PITPNM3: variants seen among roughly 807,000 people sequenced by gnomAD.
PITPNM3 encodes membrane-associated phosphatidylinositol transfer protein 3.
In PITPNM3, 26 loss-of-function variants were observed where a neutral mutation model predicts 102.0. That is an observed-to-expected ratio of 0.25 (90% confidence interval 0.19 to 0.35). The LOEUF is 0.35. Ranked by LOEUF, PITPNM3 falls within the 10% of genes least tolerant of loss-of-function variation. The probability of loss-of-function intolerance (pLI) is 1.00; values close to 1 mark genes in which losing one functional copy is unlikely to be tolerated. For synonymous variants in PITPNM3, 578 were observed against 558.6 expected (o/e 1.03, Z -0.49); for missense variants, 1,083 against 1,346.1 (o/e 0.80, Z 3.06).
rs1332976972 is a variant in PITPNM3, at chr17:6,459,204, GC to G, written c.2491-1483del. On this transcript the variant is annotated intron_variant, in intron 18 of 19. Coordinates refer to ENST00000262483, the MANE Select transcript of PITPNM3 (RefSeq NM_031220.4). This position sits in a 1 kb window ranked among gnomAD's most constrained non-coding sequence, Gnocchi z 5.0. ...CTCTGCTCCTCTCCCTGCTACTTTT[GC>G]CCCCTTGTCCTTCCGAACTGTCTTT... is the stretch of plus-strand genomic sequence containing the variant. 6.6e-6 allele frequency among the ~76,000 whole-genome samples: 1 copy of G among 152,014 alleles called. No homozygotes were observed. Among genetic ancestry groups the G allele is most frequent in the Admixed American group, 6.5e-5 (1 of 15,270 alleles).
At chr17:6,465,323 G>C (rs2150719418) in intron 14 of PITPNM3, among the ~76,000 whole-genome samples, 1 of 152,300 alleles carries the variant, frequency 6.6e-6, no homozygotes, top group East Asian at 1.9e-4. Flanking sequence ...TGGGATTATA[G>C]GCATGAGCCA....
In PITPNM3 at chr17:6,546,176, T is replaced by C. The variant is rs72830335; in HGVS notation, c.23-8094A>G. Among the ~76,000 whole-genome samples the C allele has an allele frequency of 8.7e-3, 1,325 of 151,898 alleles. 3 individuals are homozygous for C. Among genetic ancestry groups the C allele is most frequent in the Non-Finnish European group, 0.014 (952 of 67,920 alleles). On this transcript the variant is annotated intron_variant, in intron 1 of 19. Transcript: ENST00000262483. The stretch of plus-strand genomic sequence containing the variant: ...GAAGGAAACCAGTACTGGTTGGGGG[T>C]TGGTTGCTATAGAAACATGTCCTAA...
intron 6 of PITPNM3, among the ~76,000 whole-genome samples, chr17:6,483,283 T>A (rs1905854894): frequency 6.6e-6 from 1 of 151,966 alleles, no homozygotes; most frequent in Non-Finnish European, 1.5e-5. Flanking sequence ...AGATCAGGCT[T>A]GTTGAACACT....
intron 3 of PITPNM3, among the ~76,000 whole-genome samples, chr17:6,507,533 G>A (rs762882280): frequency 4.3e-4 from 66 of 152,024 alleles, no homozygotes; most frequent in Non-Finnish European, 3.2e-4. Flanking sequence ...GCAGTGAGCC[G>A]AGATAGTGCC....
At chr17:6,497,060 G>A (rs1433994952) in intron 4 of PITPNM3, among the ~76,000 whole-genome samples, 3 of 152,158 alleles carry the variant, frequency 2.0e-5, no homozygotes, top group Non-Finnish European at 2.9e-5. Context: ...CTCCCAAGGC[G>A]GACGTCTGCC....
In PITPNM3 at chr17:6,459,766, A is replaced by T. The variant is rs1904360482; in HGVS notation, c.2490+1607T>A. Among the ~76,000 whole-genome samples the T allele has an allele frequency of 6.6e-6, 1 of 152,018 alleles. No homozygotes were observed. The highest frequency in any genetic ancestry group is 2.4e-5 in the African/African-American group (1 of 41,382). ...TGGAGACCTTGGTCAGGTGTGTAGCACCTGGATCCCTCCTGGTCACCCAGC... is the reference window on the plus strand; with the variant it reads ...TGGAGACCTTGGTCAGGTGTGTAGCTCCTGGATCCCTCCTGGTCACCCAGC... On this transcript the variant is annotated intron_variant, in intron 18 of 19. Transcript: ENST00000262483. This position sits in a 1 kb window ranked among gnomAD's most constrained non-coding sequence, Gnocchi z 5.0.
chr17:6,516,999 C>T (rs145600669), intron 3 of PITPNM3, among the ~76,000 whole-genome samples: 96 of 152,208 alleles, frequency 6.3e-4, no homozygotes, highest in African/African-American at 2.2e-3. Context: ...TTCAAGAGGC[C>T]ATGGAGGAAT....
chr17:6,503,325 C>T (rs1384721975), intron 4 of PITPNM3, among the ~76,000 whole-genome samples: 2 of 152,160 alleles, frequency 1.3e-5, no homozygotes, highest in Non-Finnish European at 2.9e-5. Context: ...AACTCAGGAA[C>T]CCGAGGAGGC....
At chr17:6,498,777 C>T (rs369561396) in intron 4 of PITPNM3, among the ~76,000 whole-genome samples, 5 of 152,192 alleles carry the variant, frequency 3.3e-5, no homozygotes, top group East Asian at 1.9e-4. Context: ...AGGATGGTGC[C>T]ATTCACACTG....
At chr17:6,523,806 C>A (rs1035822007) in intron 3 of PITPNM3, among the ~76,000 whole-genome samples, 1 of 152,156 alleles carries the variant, frequency 6.6e-6, no homozygotes, top group Non-Finnish European at 1.5e-5. Context: ...AGAGTCAGAG[C>A]CCCCCCTTCT....
In PITPNM3 at chr17:6,537,578, G is replaced by A. The variant is rs1243862833; in HGVS notation, c.118+409C>T. On this transcript the variant is annotated intron_variant, in intron 2 of 19. Transcript: ENST00000262483. This position sits in a 1 kb window ranked among gnomAD's most constrained non-coding sequence, Gnocchi z 4.4. ...TGGGATTACAGGTGTGAGCCACCAC[G>A]CCTGGCCTGACTGTTCTCTCTTACA... Among the ~76,000 whole-genome samples the A allele has an allele frequency of 3.3e-5, 5 of 152,268 alleles. No individual in the cohort carries two copies. Among genetic ancestry groups the A allele is most frequent in the African/African-American group, 1.2e-4 (5 of 41,552 alleles).
At position 6,528,395 on chromosome 17, in the gene PITPNM3, C is replaced by G. The variant is rs370759576; in HGVS notation, c.119-2932G>C. On this transcript the variant is annotated intron_variant, in intron 2 of 19. Coordinates refer to ENST00000262483, the MANE Select transcript of PITPNM3 (RefSeq NM_031220.4). ...TCCTCAGGATCTCTCCAGCCCCCTGCTCCCTAAGGGTGTTCTCCCTCCCCT... is the reference window on the plus strand; with the variant it reads ...TCCTCAGGATCTCTCCAGCCCCCTGGTCCCTAAGGGTGTTCTCCCTCCCCT... Among the ~76,000 whole-genome samples the G allele has an allele frequency of 1.3e-3, 194 of 152,296 alleles. 4 individuals are homozygous for G. The South Asian group carries it at 0.039, about 31-fold the overall frequency.
chr17:6,499,704 T>TTTTATTTA lies in PITPNM3; in HGVS notation c.274+3815_274+3822dup, dbSNP rs34042872. Among the ~76,000 whole-genome samples the TTTTATTTA allele has an allele frequency of 1.0e-4, 15 of 149,366 alleles. No individual in the cohort carries two copies. In the East Asian group the frequency reaches 2.2e-3, roughly 22 times the overall value. Reference sequence around the variant, plus strand: ...AAGTAGATGATATGGCCATCTTTTCTTTTATTTATTTATTTATTTATTTAT... The same window carrying TTTTATTTA: ...AAGTAGATGATATGGCCATCTTTTCTTTTATTTATTTATTTATTTATTTATTTATTTAT... On this transcript the variant is annotated intron_variant, in intron 4 of 19. Transcript: ENST00000262483.
In PITPNM3 at chr17:6,517,879, T is replaced by A. The variant is rs576400109; in HGVS notation, c.226+7477A>T. Among the ~76,000 whole-genome samples, 29 of 152,262 alleles carry A rather than the reference T, an allele frequency of 1.9e-4. No homozygotes were observed. The highest frequency in any genetic ancestry group is 4.0e-4 in the Non-Finnish European group (27 of 68,018). On this transcript the variant is annotated intron_variant, in intron 3 of 19. Transcript: ENST00000262483. The surrounding 1 kb of genome is among the most constrained non-coding windows in gnomAD (Gnocchi z 4.1). ...CTGGCCAAAAATACCAGTTTTCAAA[T>A]GTATGTTAAAACTGTACGTTTCTAG...
At chr17:6,522,093 AT>A (rs1908560892) in intron 3 of PITPNM3, among the ~76,000 whole-genome samples, 1 of 152,164 alleles carries the variant, frequency 6.6e-6, no homozygotes, top group South Asian at 2.1e-4. Flanking sequence ...TAAACTATAA[AT>A]TTAGCCTATA....
chr17:6,474,695 G>T, intron 9 of PITPNM3, 91 bp from the exon 10 acceptor site: 1 of 1,422,302 alleles, frequency 7.0e-7, no homozygotes, highest in Non-Finnish European at 9.5e-7. Flanking sequence ...TGAATTCTGA[G>T]CGTGAAGTGC....
chr17:6,504,736 A>G (rs563439668), intron 3 of PITPNM3, among the ~76,000 whole-genome samples: 1 of 152,220 alleles, frequency 6.6e-6, no homozygotes, highest in African/African-American at 2.4e-5. Flanking sequence ...GGATACCTGG[A>G]TTCAAATGCC....
At chr17:6,462,903 C>T (rs560934546) in intron 17 of PITPNM3, among the ~76,000 whole-genome samples, 4 of 152,174 alleles carry the variant, frequency 2.6e-5, no homozygotes, top group East Asian at 1.9e-4. Flanking sequence ...ATGGGGAGCA[C>T]CCTGGAGCCC....
At chr17:6,501,829 C>T (rs897154184) in intron 4 of PITPNM3, among the ~76,000 whole-genome samples, 16 of 152,170 alleles carry the variant, frequency 1.1e-4, no homozygotes, top group African/African-American at 3.6e-4. Context: ...CAAGTGCTTC[C>T]CCCGTGGCCT....
Sources: allele counts gnomAD v4.1 joint callset (sites outside exome capture counted in the v4.1 genomes callset), GRCh38; gene constraint gnomAD v4.1.1; non-coding constraint Gnocchi (gnomAD v3.1); transcripts MANE v1.5; gene names NCBI Gene and HGNC (gene_info 2026-07-23, HGNC 2026-07-21).